Variants in KIR3DL3 observed in about 807,000 individuals in gnomAD.
KIR3DL3 encodes the protein killer cell immunoglobulin-like receptor 3DL3.
In KIR3DL3, 27 loss-of-function variants were observed where a neutral mutation model predicts 34.9. The ratio of observed to expected loss-of-function variants is 0.77; its 90% CI spans 0.57 to 1.07. The LOEUF is 1.07. Ranked by LOEUF, KIR3DL3 falls within the 50% of genes least tolerant of loss-of-function variation. The pLI is 0.00. For synonymous variants in KIR3DL3, 217 were observed against 200.2 expected, an observed-to-expected ratio of 1.08 and a Z score of -0.71; for missense variants, 681 against 528.5, an observed-to-expected ratio of 1.29 and a Z score of -2.83.
chr19:54,724,471 AGCCGCCTGT>A lies in KIR3DL3; in HGVS notation c.-25_-17del. 4 of 1,612,412 alleles carry A rather than the reference AGCCGCCTGT, an allele frequency of 2.5e-6. No homozygotes were observed. Among genetic ancestry groups the A allele is most frequent in the Non-Finnish European group, 3.4e-6 (4 of 1,179,852 alleles). On this transcript the variant is annotated 5_prime_UTR_variant, in exon 1 of 8. Coordinates refer to ENST00000291860, the MANE Select transcript of KIR3DL3 (RefSeq NM_153443.5). Reference sequence around the variant, plus strand: ...GTGCTGCTGAACTGAGCTGGGGCGCAGCCGCCTGTCTGCACCGGCAGCACCATGTCGCTC... The same window carrying A: ...GTGCTGCTGAACTGAGCTGGGGCGCACTGCACCGGCAGCACCATGTCGCTC...
In KIR3DL3 at chr19:54,729,588, G is replaced by A; in HGVS notation, c.751G>A (p.Asp251Asn). The A allele has an allele frequency of 1.2e-6, 2 of 1,606,698 alleles. No homozygotes were observed. Among genetic ancestry groups the A allele is most frequent in the Non-Finnish European group, 1.7e-6 (2 of 1,178,292 alleles). Residue 251 changes from aspartate (D) to asparagine (N), a missense_variant, in exon 5 of 8, where the codon GAC becomes AAC. Asp to Asn is a conservative substitution (Grantham distance 23). Transcript: ENST00000291860. The part of the protein sequence containing the change: ...TLSCSSRSLF[D>N]IYHLSREAEA... Reference sequence around the variant, plus strand: ...GTCCTGCAGCTCCCGGAGCTTGTTTGACATTTACCATCTATCCAGGGAGGC... The same window carrying A: ...GTCCTGCAGCTCCCGGAGCTTGTTTAACATTTACCATCTATCCAGGGAGGC...
intron 4 of KIR3DL3, among the ~76,000 whole-genome samples, chr19:54,728,883 T>C (rs1173663272): frequency 6.7e-6 from 1 of 148,496 alleles, no homozygotes; most frequent in Non-Finnish European, 1.5e-5. Context: ...AAAAGGTAGA[T>C]GATAGATAAT....
At chr19:54,729,002 G>A (rs184404357) in intron 4 of KIR3DL3, among the ~76,000 whole-genome samples, 1,503 of 55,448 alleles carry the variant, frequency 0.027, 41 homozygotes, top group African/African-American at 0.061. Context: ...GAGATAGAAA[G>A]ACAGATAAAC....
intron 5 of KIR3DL3, among the ~76,000 whole-genome samples, chr19:54,733,437 C>A (rs2069057574): frequency 6.6e-6 from 1 of 152,144 alleles, no homozygotes; most frequent in South Asian, 2.1e-4. Context: ...GAGGCTGAAG[C>A]AGAAGAATGG....
intron 5 of KIR3DL3, among the ~76,000 whole-genome samples, chr19:54,734,003 C>T (rs2069135185): frequency 6.6e-6 from 1 of 152,040 alleles, no homozygotes; most frequent in Non-Finnish European, 1.5e-5. Context: ...CCGTGCTTCT[C>T]GGGTGGAATA....
In KIR3DL3 at chr19:54,729,530, C is replaced by T; in HGVS notation, c.693C>T (p.Gly231=). ...YGKPSLSAQP[G]PTVQAGENVT... ...AACCTTCTCTCTCAGCCCAGCCGGG[C>T]CCCACGGTTCAGGCAGGAGAGAATG... Residue 231 remains glycine, a synonymous_variant, in exon 5 of 8, where the codon GGC becomes GGT. Transcript: ENST00000291860. The T allele has an allele frequency of 6.2e-7, 1 of 1,606,234 alleles. No individual in the cohort carries two copies. Among genetic ancestry groups the T allele is most frequent in the South Asian group, 1.1e-5 (1 of 90,212 alleles).
rs2146807867 is a variant in KIR3DL3 at position 54,729,787 on chromosome 19, G to GTGACA, written c.949+4_949+5insCATGA. The GTGACA allele has an allele frequency of 6.3e-7, 1 of 1,595,856 alleles. No homozygotes were observed. Among genetic ancestry groups the GTGACA allele is most frequent in the African/African-American group, 1.4e-5 (1 of 73,822 alleles). ...GACCCACTGCCCGTTTCTGTCACAGGTGAGAAAACACCATGCCTGTCCCAT... is the reference window on the plus strand; with the variant it reads ...GACCCACTGCCCGTTTCTGTCACAGGTGACATGAGAAAACACCATGCCTGTCCCAT... On this transcript the variant is annotated splice_donor_variant, in intron 5 of 7. Transcript: ENST00000291860. LOFTEE classifies it high-confidence loss of function.
chr19:54,735,994 G>T lies in KIR3DL3; in HGVS notation c.1131G>T (p.Gln377His), dbSNP rs1427999308. 6 of 1,613,384 alleles carry T rather than the reference G, an allele frequency of 3.7e-6. No homozygotes were observed. Among genetic ancestry groups the T allele is most frequent in the Non-Finnish European group, 5.1e-6 (6 of 1,179,962 alleles). ...AGGACTCTGATGAACAAGACCCTCA[G>T]GAGGTGACATACGCACAGTTGAATC... is the stretch of plus-strand genomic sequence containing the variant. ...NREDSDEQDPQEVTYAQLNHC... is the reference protein window; with the variant it reads ...NREDSDEQDPHEVTYAQLNHC... Residue 377 changes from glutamine (Q) to histidine (H), a missense_variant, in exon 8 of 8, where the codon CAG (glutamine) becomes CAT (histidine). By Grantham distance (24) the Gln-to-His change is conservative. Coordinates refer to ENST00000291860, the MANE Select transcript of KIR3DL3 (RefSeq NM_153443.5).
chr19:54,727,998 A>T lies in KIR3DL3; in HGVS notation c.655+88A>T, dbSNP rs2068392342. 3.0e-6 allele frequency: 4 copies of T among 1,332,216 alleles called. No individual in the cohort carries two copies. The Admixed American group carries it at 8.6e-5, about 29-fold the overall frequency. 82.5% of individuals were successfully genotyped at this position (1,332,216 alleles called of 1,614,324 possible). ...GAAGCCCCAGGTGGTCATGAGGAAG[A>T]TGAGTGTGGGGTTCCTATGGAGAGA... On this transcript the variant is annotated intron_variant, in intron 4 of 7. Transcript: ENST00000291860.
chr19:54,727,312 T>C (rs1248524634), intron 3 of KIR3DL3, among the ~76,000 whole-genome samples: 1 of 123,456 alleles, frequency 8.1e-6, no homozygotes. Context: ...TCATGGTTCC[T>C]CTTCCACCCC....
chr19:54,735,490 T>TAG (rs1372719346), intron 6 of KIR3DL3, 133 bp downstream of exon 6: 3 of 607,628 alleles, frequency 4.9e-6, no homozygotes, highest in Non-Finnish European at 5.8e-6. Flanking sequence ...CAGGACTTTC[T>TAG]AGAGAGAGCA....
chr19:54,724,767 A>G (rs2067957199), intron 1 of KIR3DL3, among the ~76,000 whole-genome samples: 1 of 133,278 alleles, frequency 7.5e-6, no homozygotes, highest in African/African-American at 2.9e-5. Flanking sequence ...GGAACTGTAG[A>G]TATGGGCCTG....
rs776975112 is a variant in KIR3DL3, at chr19:54,725,667, C to T, written c.70+385C>T. ...GACGGTAGGGGCTGCAATGTGGCTGCTGTCATTCTACCTAAGAGGTGGGGG... is the reference window on the plus strand; with the variant it reads ...GACGGTAGGGGCTGCAATGTGGCTGTTGTCATTCTACCTAAGAGGTGGGGG... On this transcript the variant is annotated intron_variant, in intron 2 of 7. Transcript: ENST00000291860. Among the ~76,000 whole-genome samples the T allele has an allele frequency of 3.3e-3, 510 of 152,298 alleles. 2 individuals are homozygous for T. The highest frequency in any genetic ancestry group is 5.5e-3 in the Non-Finnish European group (376 of 68,026).
rs546562878 is a variant in KIR3DL3, at chr19:54,727,771, C to T, written c.516C>T (p.His172=). The T allele has an allele frequency of 0.011, 18,438 of 1,613,464 alleles. 144 individuals are homozygous for T. The highest frequency in any genetic ancestry group is 0.013 in the Non-Finnish European group (15,431 of 1,179,832). ...EDPLRLVGQL[H]DAGSQVNYSM... ...CCTTGCGCCTCGTTGGACAGCTCCACGATGCGGGTTCCCAGGTCAACTATT... is the reference window on the plus strand; with the variant it reads ...CCTTGCGCCTCGTTGGACAGCTCCATGATGCGGGTTCCCAGGTCAACTATT... The change falls in exon 4 of 8, where the codon CAC becomes CAT. Residue 172 remains histidine, a synonymous_variant. Coordinates refer to ENST00000291860, the MANE Select transcript of KIR3DL3 (RefSeq NM_153443.5).
chr19:54,731,649 A>G (rs2068805832), intron 5 of KIR3DL3, among the ~76,000 whole-genome samples: 2 of 152,104 alleles, frequency 1.3e-5, no homozygotes, highest in African/African-American at 4.8e-5. Context: ...TCAAAGGGAC[A>G]GTAAGGCTGG....
chr19:54,732,292 A>G (rs2068901220), intron 5 of KIR3DL3, among the ~76,000 whole-genome samples: 1 of 149,288 alleles, frequency 6.7e-6, no homozygotes, highest in Non-Finnish European at 1.5e-5. Context: ...TCTCTGTTCC[A>G]CAGGCTGGAG....
chr19:54,727,349 T>C (rs1600174008), intron 3 of KIR3DL3, among the ~76,000 whole-genome samples: 1 of 127,894 alleles, frequency 7.8e-6, no homozygotes, highest in African/African-American at 2.8e-5. Context: ...AAGAGATTAG[T>C]GGGAAACAGA....
intron 1 of KIR3DL3, 112 bp downstream of exon 1, chr19:54,724,642 G>C (rs1568801245): frequency 7.7e-6 from 12 of 1,561,638 alleles, no homozygotes; most frequent in South Asian, 2.2e-5. Flanking sequence ...ATATAGGCCT[G>C]GAGTGGAGAT....
Position 54,726,662 on chromosome 19 carries a change from C to A in KIR3DL3, c.355+325C>A, listed in dbSNP as rs1226615062. Reference sequence around the variant, plus strand: ...TGTGCTCAGAGTAATCACAAGGGTCCTCATGAGAGGAGGAGGAAGAGGAAA... The same window carrying A: ...TGTGCTCAGAGTAATCACAAGGGTCATCATGAGAGGAGGAGGAAGAGGAAA... On this transcript the variant is annotated intron_variant, in intron 3 of 7. Transcript: ENST00000291860. 4.8e-5 allele frequency among the ~76,000 whole-genome samples: 7 copies of A among 146,854 alleles called. No homozygotes were observed. The East Asian group carries it at 1.2e-3, about 25-fold the overall frequency.
Sources: gnomAD v4.1 joint callset for allele counts (sites outside exome capture counted in the v4.1 genomes callset) on GRCh38, gnomAD v4.1.1 for gene constraint, MANE v1.5 for transcripts, NCBI Gene and HGNC (gene_info 2026-07-23, HGNC 2026-07-21) for gene names.